Variants in GMDS observed in about 807,000 individuals in gnomAD.
The protein encoded by GMDS is GDP-mannose 4,6 dehydratase.
Under a neutral mutation model 49.9 loss-of-function variants are expected in GMDS, and 20 were observed. The observed-to-expected ratio is 0.40, with a 90% CI of 0.28 to 0.58. The LOEUF is 0.58. Ranked by LOEUF, GMDS falls within the 20% of genes least tolerant of loss-of-function variation. The pLI, the probability that GMDS is intolerant of heterozygous loss-of-function variation, is 0.42. For missense variants in GMDS, 362 were observed against 481.4 expected (o/e 0.75, Z 2.32); for synonymous variants, 177 against 178.6 (o/e 0.99, Z 0.07).
At chr6:1,894,129 A>G (rs2113846209) in intron 7 of GMDS, among the ~76,000 whole-genome samples, 1 of 152,346 alleles carries the variant, frequency 6.6e-6, no homozygotes, top group African/African-American at 2.4e-5. Flanking sequence ...CTTAGCTATC[A>G]CATTTTTCTT....
At chr6:2,015,326 A>G (rs577180284) in intron 4 of GMDS, among the ~76,000 whole-genome samples, 1 of 152,354 alleles carries the variant, frequency 6.6e-6, no homozygotes, top group African/African-American at 2.4e-5. Flanking sequence ...AAATTCAAAA[A>G]ACAGAAATTA....
At chr6:2,104,559 A>G (rs1266746969) in intron 4 of GMDS, among the ~76,000 whole-genome samples, 2 of 152,128 alleles carry the variant, frequency 1.3e-5, no homozygotes, top group Non-Finnish European at 2.9e-5. Flanking sequence ...TCTCTAATCT[A>G]GAGGGATGAA....
chr6:1,860,646 G>A (rs779418659), intron 7 of GMDS, among the ~76,000 whole-genome samples: 31 of 152,112 alleles, frequency 2.0e-4, no homozygotes, highest in Admixed American at 5.9e-4. Flanking sequence ...TGCCTAAATG[G>A]CTGATATTCT....
intron 5 of GMDS, among the ~76,000 whole-genome samples, 158 bp downstream of exon 5, chr6:1,960,616 T>C (rs1763887424): frequency 6.6e-6 from 1 of 152,194 alleles, no homozygotes; most frequent in African/African-American, 2.4e-5. Context: ...AAAGGTATGC[T>C]TCTCAACAAG....
intron 1 of GMDS, among the ~76,000 whole-genome samples, chr6:2,183,551 T>C (rs1466398760): frequency 6.6e-6 from 1 of 152,208 alleles, no homozygotes; most frequent in Non-Finnish European, 1.5e-5. Context: ...ATGAACATTG[T>C]TGAAATAGCA....
At chr6:2,031,402 C>T (rs775301433) in intron 4 of GMDS, among the ~76,000 whole-genome samples, 1 of 151,918 alleles carries the variant, frequency 6.6e-6, no homozygotes, top group Non-Finnish European at 1.5e-5. Flanking sequence ...CAAATGGATG[C>T]CCTCACAGAG....
intron 4 of GMDS, among the ~76,000 whole-genome samples, chr6:2,072,392 C>A (rs554006369): frequency 6.6e-6 from 1 of 152,286 alleles, no homozygotes; most frequent in Non-Finnish European, 1.5e-5. Context: ...CTGAAGGCAG[C>A]CTGCCTATCC....
chr6:1,835,957 C>T (rs887574934), intron 7 of GMDS, among the ~76,000 whole-genome samples: 5 of 152,066 alleles, frequency 3.3e-5, no homozygotes, highest in South Asian at 2.1e-4. Flanking sequence ...CTATCTGTAG[C>T]GCTCACTGTA....
chr6:2,056,186 C>T (rs1304452625), intron 4 of GMDS, among the ~76,000 whole-genome samples: 1 of 152,084 alleles, frequency 6.6e-6, no homozygotes, highest in African/African-American at 2.4e-5. Flanking sequence ...TTAAATAAGA[C>T]ACATATAACT....
intron 4 of GMDS, among the ~76,000 whole-genome samples, chr6:1,967,463 T>C (rs567493563): frequency 3.9e-5 from 6 of 152,038 alleles, no homozygotes; most frequent in East Asian, 3.9e-4. Flanking sequence ...ATAAAACAAG[T>C]TTGATAATTT....
chr6:1,900,625 A>T (rs533934127), intron 7 of GMDS, among the ~76,000 whole-genome samples: 77 of 152,352 alleles, frequency 5.1e-4, no homozygotes, highest in African/African-American at 1.8e-3. Context: ...ATGAAGTTTT[A>T]TGGCCAACTT....
At chr6:1,690,497 T>C (rs138343197) in intron 9 of GMDS, among the ~76,000 whole-genome samples, 460 of 152,346 alleles carry the variant, frequency 3.0e-3, no homozygotes, top group Non-Finnish European at 5.4e-3. Context: ...TTGTTTGTTT[T>C]TGTCAGGTCT....
At chr6:2,218,866 G>A (rs1006128950) in intron 1 of GMDS, among the ~76,000 whole-genome samples, 1 of 152,170 alleles carries the variant, frequency 6.6e-6, no homozygotes, top group African/African-American at 2.4e-5. Flanking sequence ...GGGTCACAAG[G>A]TTCCAAGAGC....
At chr6:2,237,510 G>A (rs1474681170) in intron 1 of GMDS, among the ~76,000 whole-genome samples, 1 of 149,622 alleles carries the variant, frequency 6.7e-6, no homozygotes, top group Admixed American at 6.7e-5. Context: ...TTGGAAGTTT[G>A]GAAGTACCTT....
chr6:1,715,397 T>C (rs1766138383), intron 9 of GMDS, among the ~76,000 whole-genome samples: 1 of 152,244 alleles, frequency 6.6e-6, no homozygotes, highest in South Asian at 2.1e-4. Context: ...TCTTTGGCAA[T>C]GTGCACATTC....
intron 4 of GMDS, among the ~76,000 whole-genome samples, chr6:1,979,443 T>A (rs10458132): frequency 0.025 from 3,877 of 152,208 alleles, 154 homozygotes; most frequent in East Asian, 0.17. Context: ...GAAAAGAATC[T>A]TAGAGCTTGA....
Position 2,219,606 on chromosome 6 carries a change from T to TG in GMDS, c.102+25714dup, listed in dbSNP as rs1780490416. Among the ~76,000 whole-genome samples, 8 of 152,308 alleles carry TG rather than the reference T, an allele frequency of 5.3e-5. No individual in the cohort carries two copies. The South Asian group carries it at 1.7e-3, about 32-fold the overall frequency. On this transcript the variant is annotated intron_variant, in intron 1 of 10. Coordinates refer to ENST00000380815, the MANE Select transcript of GMDS (RefSeq NM_001500.4). Reference sequence around the variant, plus strand: ...ATTAGATGTAAATGTCTCAGGAACTTGCTATAAAAGCTTCTAAATTTACTC... The same window carrying TG: ...ATTAGATGTAAATGTCTCAGGAACTTGGCTATAAAAGCTTCTAAATTTACTC...
chr6:1,896,923 G>C lies in GMDS; in HGVS notation c.771+33180C>G, dbSNP rs572331170. On this transcript the variant is annotated intron_variant, in intron 7 of 10. Transcript: ENST00000380815. ...TTGACTGATGTCTCTGGGAAGGACA[G>C]GGCTCACTGTTGGTGTTGTAGGGAA... Among the ~76,000 whole-genome samples the C allele has an allele frequency of 6.6e-5, 10 of 152,210 alleles. 1 individual carries two copies. The highest frequency in any genetic ancestry group is 5.9e-4 in the Admixed American group (9 of 15,286).
intron 6 of GMDS, among the ~76,000 whole-genome samples, chr6:1,955,138 T>G (rs1763561728): frequency 6.6e-6 from 1 of 151,942 alleles, no homozygotes; most frequent in African/African-American, 2.4e-5. Flanking sequence ...ACCTTCAGTA[T>G]GAAAAGAAGA....
Sources: allele counts gnomAD v4.1 joint callset (sites outside exome capture counted in the v4.1 genomes callset), GRCh38; gene constraint gnomAD v4.1.1; transcripts MANE v1.5; gene names NCBI Gene and HGNC (gene_info 2026-07-23, HGNC 2026-07-21).